MCC: variants seen among roughly 807,000 people sequenced by gnomAD.
MCC encodes the protein colorectal mutant cancer protein.
A neutral mutation model predicts 116.2 loss-of-function variants in MCC; 90 were observed. That is an observed-to-expected ratio of 0.77 (90% CI 0.65 to 0.92). MCC has a LOEUF of 0.92. Among genes scored for constraint, MCC ranks in the 40% least tolerant of loss-of-function variants. MCC has a pLI of 0.00. For missense variants in MCC, 1,516 were observed against 1,312.2 expected, an observed-to-expected ratio of 1.16 and a Z score of -2.40; for synonymous variants, 578 against 510.5, an observed-to-expected ratio of 1.13 and a Z score of -1.78.
intron 3 of MCC, among the ~76,000 whole-genome samples, chr5:113,205,108 T>A (rs1338122767): frequency 6.6e-6 from 1 of 152,208 alleles, no homozygotes; most frequent in Non-Finnish European, 1.5e-5. Context: ...TTTTTCCTCC[T>A]TTCTCTCTCC....
At chr5:113,429,829 T>C (rs551135954) in intron 1 of MCC, among the ~76,000 whole-genome samples, 3 of 152,272 alleles carry the variant, frequency 2.0e-5, no homozygotes, top group Admixed American at 1.3e-4. Context: ...TATAAATACA[T>C]GAATGAACAA....
At chr5:113,107,712 A>G (rs62374710) in intron 6 of MCC, among the ~76,000 whole-genome samples, 72,289 of 151,904 alleles carry the variant, frequency 0.48, 17,644 homozygotes, top group African/African-American at 0.56. Flanking sequence ...TGAGTGAGAT[A>G]TTCATGAAAT....
intron 3 of MCC, among the ~76,000 whole-genome samples, chr5:113,173,098 C>A (rs1008814606): frequency 6.6e-6 from 1 of 152,094 alleles, no homozygotes; most frequent in Admixed American, 6.6e-5. Context: ...GTGAACTGTT[C>A]GTCTTTTAAT....
At chr5:113,397,107 T>C (rs944185179) in intron 1 of MCC, among the ~76,000 whole-genome samples, 1 of 152,284 alleles carries the variant, frequency 6.6e-6, no homozygotes, top group Admixed American at 6.5e-5. Flanking sequence ...TCAGCTGTAG[T>C]CTGGAAACAC....
At chr5:113,232,936 C>T (rs1308081612) in intron 3 of MCC, among the ~76,000 whole-genome samples, 1 of 152,104 alleles carries the variant, frequency 6.6e-6, no homozygotes, top group Non-Finnish European at 1.5e-5. Flanking sequence ...TACCCAGGAG[C>T]AGAACCAGGA....
intron 3 of MCC, among the ~76,000 whole-genome samples, chr5:113,332,164 A>G (rs1225843724): frequency 1.3e-5 from 2 of 151,424 alleles, no homozygotes; most frequent in African/African-American, 4.9e-5. Flanking sequence ...GCCACTTGTA[A>G]GTAACTTTCT....
intron 3 of MCC, among the ~76,000 whole-genome samples, chr5:113,219,674 T>C (rs998102647): frequency 1.3e-5 from 2 of 152,192 alleles, no homozygotes; most frequent in Non-Finnish European, 2.9e-5. Flanking sequence ...GCTGAAACTT[T>C]CCATAATAAA....
intron 3 of MCC, among the ~76,000 whole-genome samples, chr5:113,239,380 G>A (rs1764272850): frequency 6.6e-6 from 1 of 152,212 alleles, no homozygotes. Flanking sequence ...GCAGCTCTGA[G>A]AGGAAGCAGG....
chr5:113,087,778 T>A (rs1239183949), intron 8 of MCC, among the ~76,000 whole-genome samples: 1 of 152,044 alleles, frequency 6.6e-6, no homozygotes, highest in African/African-American at 2.4e-5. Flanking sequence ...ATCTTTTTTT[T>A]TTTTTTTATA....
At chr5:113,242,102 A>G (rs536903828) in intron 3 of MCC, among the ~76,000 whole-genome samples, 2 of 148,532 alleles carry the variant, frequency 1.3e-5, no homozygotes, top group African/African-American at 2.5e-5. Context: ...ATCCCACATC[A>G]TAGGCCATCT....
intron 3 of MCC, among the ~76,000 whole-genome samples, chr5:113,250,967 G>C (rs1290712255): frequency 2.6e-5 from 4 of 152,174 alleles, no homozygotes; most frequent in African/African-American, 9.7e-5. Context: ...CTCTGTAACA[G>C]GTCACACAAA....
intron 5 of MCC, among the ~76,000 whole-genome samples, chr5:113,130,048 T>C (rs1455627567): frequency 2.6e-5 from 4 of 152,148 alleles, no homozygotes; most frequent in Non-Finnish European, 5.9e-5. Context: ...ATGTTTATTG[T>C]GGCACTATTC....
intron 1 of MCC, among the ~76,000 whole-genome samples, chr5:113,413,478 C>G (rs1253832711): frequency 6.6e-6 from 1 of 152,192 alleles, no homozygotes; most frequent in East Asian, 1.9e-4. Context: ...AGAGATTCAA[C>G]TTCTTCCTGG....
At chr5:113,051,139 C>A (rs1752458066) in intron 15 of MCC, among the ~76,000 whole-genome samples, 1 of 151,834 alleles carries the variant, frequency 6.6e-6, no homozygotes, top group African/African-American at 2.4e-5. Context: ...CTGATGAGTC[C>A]CAACAGATCT....
chr5:113,450,571 G>A (rs1771363580), intron 1 of MCC, among the ~76,000 whole-genome samples: 1 of 152,204 alleles, frequency 6.6e-6, no homozygotes, highest in Non-Finnish European at 1.5e-5. Context: ...GCATGCTTTT[G>A]AAGCTATGTA....
chr5:113,217,300 T>C (rs60636636), intron 3 of MCC, among the ~76,000 whole-genome samples: 7,514 of 152,272 alleles, frequency 0.049, 489 homozygotes, highest in African/African-American at 0.16. Context: ...GTAAATTGTC[T>C]TTTCCTGATA....
chr5:113,201,343 G>T (rs930990331), intron 3 of MCC, among the ~76,000 whole-genome samples: 2 of 143,298 alleles, frequency 1.4e-5, no homozygotes, highest in Non-Finnish European at 3.0e-5. Flanking sequence ...CTGAGATTAC[G>T]CCATTGCACT....
intron 3 of MCC, among the ~76,000 whole-genome samples, chr5:113,197,309 T>C (rs1762461429): frequency 6.6e-6 from 1 of 151,944 alleles, no homozygotes; most frequent in Admixed American, 6.6e-5. Flanking sequence ...AGAGAGGAGA[T>C]AGGTGACTGC....
chr5:113,120,511 TCTC>T (rs1490024882), intron 6 of MCC, among the ~76,000 whole-genome samples: 3 of 152,138 alleles, frequency 2.0e-5, no homozygotes, highest in Non-Finnish European at 4.4e-5. Flanking sequence ...AGAATACCAC[TCTC>T]CTCATTTTAT....
Sources: gnomAD v4.1 joint callset for allele counts (sites outside exome capture counted in the v4.1 genomes callset) on GRCh38, gnomAD v4.1.1 for gene constraint, MANE v1.5 for transcripts, NCBI Gene and HGNC (gene_info 2026-07-23, HGNC 2026-07-21) for gene names.